The following NCAPD2 variants were observed in gnomAD, a reference collection of about 807,000 sequenced individuals.
The protein encoded by NCAPD2 is condensin complex subunit 1.
A neutral mutation model predicts 164.5 loss-of-function variants in NCAPD2; 100 were observed. The ratio of observed to expected loss-of-function variants is 0.61; its 90% CI spans 0.52 to 0.72. The LOEUF is 0.72. Ranked by LOEUF, NCAPD2 falls within the 30% of genes least tolerant of loss-of-function variation. NCAPD2 has a pLI of 0.00. For synonymous variants in NCAPD2, 585 were observed against 642.6 expected, an observed-to-expected ratio of 0.91 and a Z score of 1.36; for missense variants, 1,560 against 1,749.2, an observed-to-expected ratio of 0.89 and a Z score of 1.93.
intron 2 of NCAPD2, among the ~76,000 whole-genome samples, chr12:6,505,192 A>G (rs1417960975): frequency 6.6e-6 from 1 of 152,084 alleles, no homozygotes; most frequent in Non-Finnish European, 1.5e-5. Flanking sequence ...TAAGCCTCCC[A>G]AGTAGCTGGG....
chr12:6,499,846 C>T (rs996923712), intron 2 of NCAPD2, among the ~76,000 whole-genome samples: 27 of 152,178 alleles, frequency 1.8e-4, no homozygotes, highest in Non-Finnish European at 3.4e-4. Flanking sequence ...TGTGGCCAGG[C>T]GCAGTGGCTC....
chr12:6,511,073 C>T (rs1433516906), intron 5 of NCAPD2, 37 bp from the exon 6 acceptor site: 7 of 1,603,462 alleles, frequency 4.4e-6, no homozygotes, highest in South Asian at 2.2e-5. Context: ...ACTTTTTTCC[C>T]TTATTTTTTC....
At position 6,510,463 on chromosome 12, in the gene NCAPD2, C is replaced by G. The variant is rs771992714; in HGVS notation, c.263-166C>G. 4 of 839,828 alleles carry G rather than the reference C, an allele frequency of 4.8e-6. No individual in the cohort carries two copies. The African/African-American group carries it at 6.6e-5, about 14-fold the overall frequency. The allele number at this position is 839,828 out of a possible 1,614,324, so 52.0% of individuals were successfully genotyped here. A position where few individuals can be genotyped will look rare whatever the true frequency, so the allele number is the denominator to read the frequency against. ...TGAGAGAGTAGGAACAGGGCATGTTCAGGGTATCAGGGCCAAGGGTCCTAA... is the reference window on the plus strand; with the variant it reads ...TGAGAGAGTAGGAACAGGGCATGTTGAGGGTATCAGGGCCAAGGGTCCTAA... On this transcript the variant is annotated intron_variant, in intron 4 of 31. Coordinates refer to ENST00000315579, the MANE Select transcript of NCAPD2 (RefSeq NM_014865.4).
At chr12:6,508,987 A>C (rs1456146989) in intron 2 of NCAPD2, among the ~76,000 whole-genome samples, 1 of 152,198 alleles carries the variant, frequency 6.6e-6, no homozygotes, top group Non-Finnish European at 1.5e-5. Context: ...AGATGATGAA[A>C]GATAAAGACT....
At chr12:6,503,719 C>G (rs369932705) in intron 2 of NCAPD2, among the ~76,000 whole-genome samples, 6 of 151,192 alleles carry the variant, frequency 4.0e-5, no homozygotes, top group African/African-American at 1.2e-4. Context: ...TGTAGTGAGC[C>G]GAGATCGTGC....
rs1488406146 is a variant in NCAPD2, at chr12:6,511,118, A to G, written c.453A>G (p.Lys151=). 9 of 1,613,640 alleles carry G rather than the reference A, an allele frequency of 5.6e-6. No homozygotes were observed. Among genetic ancestry groups the G allele is most frequent in the Non-Finnish European group, 7.6e-6 (9 of 1,179,914 alleles). ...TACATGATCCTTTTTAGGGTAAGAA[A>G]GCTCGGACCAAGGCAGCCCATGGCT... The part of the protein sequence containing the change: ...VDLDLGGKGK[K]ARTKAAHGFD... The change falls in exon 6 of 32, where the codon AAA becomes AAG. Residue 151 remains lysine, a synonymous_variant. Coordinates refer to ENST00000315579, the MANE Select transcript of NCAPD2 (RefSeq NM_014865.4).
intron 13 of NCAPD2, among the ~76,000 whole-genome samples, chr12:6,519,063 T>G (rs972813710): frequency 6.6e-6 from 1 of 151,894 alleles, no homozygotes; most frequent in Non-Finnish European, 1.5e-5. Flanking sequence ...TTTTTTTTTT[T>G]ATATTTTTAG....
rs71067124 is a variant in NCAPD2, at chr12:6,513,715, CTT to C, written c.588-533_588-532del. ...AATGAGAAGTCATTGGTGACTTTGTCTTTTTTTTTTTTTTTTTTGTGATGGAG... is the reference window on the plus strand; with the variant it reads ...AATGAGAAGTCATTGGTGACTTTGTCTTTTTTTTTTTTTTTTGTGATGGAG... On this transcript the variant is annotated intron_variant, in intron 6 of 31. Coordinates refer to ENST00000315579, the MANE Select transcript of NCAPD2 (RefSeq NM_014865.4). 5.3e-4 allele frequency among the ~76,000 whole-genome samples: 40 copies of C among 74,860 alleles called. 1 individual carries two copies. Among genetic ancestry groups the C allele is most frequent in the East Asian group, 2.5e-3 (9 of 3,562 alleles). 49.1% of individuals were successfully genotyped at this position (74,860 alleles called of 152,430 possible). A position where few individuals can be genotyped will look rare whatever the true frequency, so the allele number is the denominator to read the frequency against.
intron 2 of NCAPD2, among the ~76,000 whole-genome samples, chr12:6,496,059 CT>C (rs11423649): frequency 1.3e-3 from 176 of 136,528 alleles, no homozygotes; most frequent in Non-Finnish European, 1.5e-3. Context: ...TTTTGTTTTT[CT>C]TTTTTTTTTT....
At chr12:6,501,148 C>T (rs147313828) in intron 2 of NCAPD2, among the ~76,000 whole-genome samples, 282 of 149,978 alleles carry the variant, frequency 1.9e-3, no homozygotes, top group African/African-American at 6.6e-3. Context: ...GCAACCTCTG[C>T]CTCCCAGGTT....
chr12:6,495,131 A>G lies in NCAPD2; in HGVS notation c.33A>G (p.Pro11=), dbSNP rs1360243431. The G allele has an allele frequency of 1.2e-6, 2 of 1,614,066 alleles. No homozygotes were observed. The highest frequency in any genetic ancestry group is 1.7e-6 in the Non-Finnish European group (2 of 1,180,030). ...CCCAAATGTATGAGTTCCATCTGCC[A>G]TTATCCCCAGAGGAGTTGTTGAAAA... The part of the protein sequence containing the change: MAPQMYEFHL[P]LSPEELLKSG... Residue 11 remains proline, a synonymous_variant, in exon 2 of 32, where the codon CCA becomes CCG. Transcript: ENST00000315579.
At position 6,529,504 on chromosome 12, in the gene NCAPD2, T is replaced by G. The variant is rs1349778390; in HGVS notation, c.3573-9T>G. 6.2e-7 allele frequency: 1 copy of G among 1,613,408 alleles called. No homozygotes were observed. Among genetic ancestry groups the G allele is most frequent in the Non-Finnish European group, 8.5e-7 (1 of 1,179,558 alleles). On this transcript the variant is annotated splice_polypyrimidine_tract_variant and intron_variant, in intron 27 of 31. Coordinates refer to ENST00000315579, the MANE Select transcript of NCAPD2 (RefSeq NM_014865.4). The stretch of plus-strand genomic sequence containing the variant: ...GGCCATCGAACATCCTCATCTCCCC[T>G]TCCTGCAGACAGCTCCTCTCCTACA...
Position 6,504,203 on chromosome 12 carries a change from A to C in NCAPD2, c.128-5514A>C, listed in dbSNP as rs1269125568. 9.2e-5 allele frequency among the ~76,000 whole-genome samples: 2 copies of C among 21,648 alleles called. 1 individual carries two copies. Among genetic ancestry groups the C allele is most frequent in the Non-Finnish European group, 1.4e-4 (2 of 14,602 alleles). The allele number at this position is 21,648 out of a possible 152,430, so 14.2% of individuals were successfully genotyped here. ...TATACATATATATATATATATATAT[A>C]TATATATATATATAGATATAGATAT... On this transcript the variant is annotated intron_variant, in intron 2 of 31. Transcript: ENST00000315579.
At chr12:6,510,000 G>C in intron 3 of NCAPD2, 75 bp from the exon 4 acceptor site, 2 of 1,481,560 alleles carry the variant, frequency 1.3e-6, no homozygotes, top group Non-Finnish European at 1.9e-6. Flanking sequence ...CGATTCCACG[G>C]GTTAGATCTG....
At position 6,520,991 on chromosome 12, in the gene NCAPD2, C is replaced by CCAT; in HGVS notation, c.1599_1601dup (p.Ile534dup). 1 of 1,613,884 alleles carries CCAT rather than the reference C, an allele frequency of 6.2e-7. No homozygotes were observed. Among genetic ancestry groups the CCAT allele is most frequent in the Non-Finnish European group, 8.5e-7 (1 of 1,179,908 alleles). ...ACAGGCTGGTGTTCTTTCAGAAAGG[C>CCAT]CATCATTCTCACTCGAGAAGCCACA... is the stretch of plus-strand genomic sequence containing the variant. On this transcript the variant is annotated inframe_insertion, in exon 14 of 32. Transcript: ENST00000315579.
Position 6,514,776 on chromosome 12 carries a change from G to T in NCAPD2, c.843G>T (p.Glu281Asp). 6.2e-7 allele frequency: 1 copy of T among 1,614,164 alleles called. No individual in the cohort carries two copies. The highest frequency in any genetic ancestry group is 8.5e-7 in the Non-Finnish European group (1 of 1,180,030). ...CTGTGTTTTCTTCCCTGTGTAGAGA[G>T]ATTGGACAAAAGTGTCCCCAAGAGC... ...MKSIVGEIVR[E>D]IGQKCPQELS... The change falls in exon 9 of 32, where the codon GAG becomes GAT. Residue 281 changes from glutamate (E) to aspartate (D), a missense_variant. Coordinates refer to ENST00000315579, the MANE Select transcript of NCAPD2 (RefSeq NM_014865.4).
chr12:6,516,960 C>G lies in NCAPD2; in HGVS notation c.1120C>G (p.His374Asp), dbSNP rs1434263101. The G allele has an allele frequency of 1.9e-6, 3 of 1,614,112 alleles. No homozygotes were observed. The highest frequency in any genetic ancestry group is 2.5e-6 in the Non-Finnish European group (3 of 1,180,020). The change falls in exon 10 of 32, where the codon CAT becomes GAT. Residue 374 changes from histidine (H) to aspartate (D), a missense_variant. Transcript: ENST00000315579. Reference sequence around the variant, plus strand: ...CTTGGATACTTTACAAGCCCATGGCCATGATGTCAACTCCTTTGTGCGGAG... The same window carrying G: ...CTTGGATACTTTACAAGCCCATGGCGATGATGTCAACTCCTTTGTGCGGAG... Reference protein sequence around the residue: ...QFLDTLQAHGHDVNSFVRSRV... With the variant: ...QFLDTLQAHGDDVNSFVRSRV...
At chr12:6,525,548 A>G (rs748549407) in intron 17 of NCAPD2, 35 bp from the exon 18 acceptor site, 6 of 1,578,610 alleles carry the variant, frequency 3.8e-6, no homozygotes, top group Non-Finnish European at 5.2e-6. Flanking sequence ...GGAATTGTTC[A>G]TTTTTGGCTT....
In NCAPD2 at chr12:6,526,905, A is replaced by G. The variant is rs1324892313; in HGVS notation, c.2749A>G (p.Met917Val). The change falls in exon 22 of 32, where the codon ATG becomes GTG. Residue 917 changes from methionine (M) to valine (V), a missense_variant. Met to Val is a conservative substitution (Grantham distance 21). Coordinates refer to ENST00000315579, the MANE Select transcript of NCAPD2 (RefSeq NM_014865.4). ...CTCTCCTCCAGAGGAGTCCCCCGCAATGCTCCCCACTTTCCTGTTGATGAA... is the reference window on the plus strand; with the variant it reads ...CTCTCCTCCAGAGGAGTCCCCCGCAGTGCTCCCCACTTTCCTGTTGATGAA... ...SQEDPKESPA[M>V]LPTFLLMNLL... is the part of the protein sequence containing the mutation. 2 of 1,612,282 alleles carry G rather than the reference A, an allele frequency of 1.2e-6. No individual in the cohort carries two copies. The highest frequency in any genetic ancestry group is 1.3e-5 in the African/African-American group (1 of 74,812).
Sources: gnomAD v4.1 joint callset for allele counts (sites outside exome capture counted in the v4.1 genomes callset) on GRCh38, gnomAD v4.1.1 for gene constraint, MANE v1.5 for transcripts, NCBI Gene and HGNC (gene_info 2026-07-23, HGNC 2026-07-21) for gene names.